KCNMB2: variants seen among roughly 807,000 people sequenced by gnomAD.
KCNMB2 encodes the protein potassium calcium-activated channel subfamily M regulatory beta subunit 2, also known as calcium-activated potassium channel subunit beta-2.
KCNMB2 carries 9 observed loss-of-function variants against 24.5 expected under a neutral mutation model. The ratio of observed to expected loss-of-function variants is 0.37; its 90% confidence interval spans 0.22 to 0.64. The LOEUF (loss-of-function observed/expected upper bound fraction) is 0.64. Ranked by LOEUF, KCNMB2 falls within the 30% of genes least tolerant of loss-of-function variation. The probability of loss-of-function intolerance (pLI) is 0.63; values close to 1 mark genes in which losing one functional copy is unlikely to be tolerated. For missense variants in KCNMB2, 226 were observed against 284.3 expected (o/e 0.79, Z 1.47); for synonymous variants, 109 against 104.4 (o/e 1.04, Z -0.27).
At chr3:178,691,859 A>G (rs1238168498) in intron 1 of KCNMB2, among the ~76,000 whole-genome samples, 1 of 151,516 alleles carries the variant, frequency 6.6e-6, no homozygotes, top group Non-Finnish European at 1.5e-5. Context: ...ACTAATTTAC[A>G]TTCCCACCAA....
intron 1 of KCNMB2, among the ~76,000 whole-genome samples, chr3:178,568,833 A>G (rs1170753484): frequency 1.1e-4 from 3 of 28,434 alleles, no homozygotes. Context: ...TAGATAGATG[A>G]TAGATAGATA....
chr3:178,586,201 G>C (rs1274619650), intron 1 of KCNMB2, among the ~76,000 whole-genome samples: 2 of 152,246 alleles, frequency 1.3e-5, no homozygotes, highest in South Asian at 2.1e-4. Context: ...GATTTGACTA[G>C]ATGAATTCTA....
chr3:178,721,403 T>C (rs1198355585), intron 1 of KCNMB2, among the ~76,000 whole-genome samples: 1 of 152,210 alleles, frequency 6.6e-6, no homozygotes, highest in Non-Finnish European at 1.5e-5. Context: ...GTTGTTTGTA[T>C]AGTTTGTTAC....
At chr3:178,770,188 A>G (rs1166784076) in intron 1 of KCNMB2, among the ~76,000 whole-genome samples, 1 of 152,206 alleles carries the variant, frequency 6.6e-6, no homozygotes, top group Admixed American at 6.5e-5. Context: ...CCCAAGTTAT[A>G]AGGCCTGGTC....
chr3:178,657,167 C>T (rs575060893), intron 1 of KCNMB2, among the ~76,000 whole-genome samples: 14 of 152,308 alleles, frequency 9.2e-5, no homozygotes, highest in Middle Eastern at 3.4e-3. Context: ...AATCTGACTC[C>T]AGAACCCATA....
At position 178,659,695 on chromosome 3, in the gene KCNMB2, G is replaced by A. The variant is rs369016596; in HGVS notation, c.-68+122984G>A. ...ATAATGCAAGCCACATGGGCTTCATGAGCAAGCTACTTAACATCTCTTAAA... is the reference window on the plus strand; with the variant it reads ...ATAATGCAAGCCACATGGGCTTCATAAGCAAGCTACTTAACATCTCTTAAA... On this transcript the variant is annotated intron_variant, in intron 1 of 4. Coordinates refer to ENST00000452583, the MANE Select transcript of KCNMB2 (RefSeq NM_181361.3). 2.6e-4 allele frequency among the ~76,000 whole-genome samples: 39 copies of A among 152,292 alleles called. 1 individual carries two copies. The South Asian group carries it at 7.9e-3, about 31-fold the overall frequency.
At chr3:178,604,903 A>G (rs1220490485) in intron 1 of KCNMB2, among the ~76,000 whole-genome samples, 2 of 152,232 alleles carry the variant, frequency 1.3e-5, no homozygotes, top group Non-Finnish European at 2.9e-5. Flanking sequence ...AAGAATTCTG[A>G]AAACATGACA....
chr3:178,676,733 G>A (rs1296378030), intron 1 of KCNMB2, among the ~76,000 whole-genome samples: 1 of 152,158 alleles, frequency 6.6e-6, no homozygotes, highest in African/African-American at 2.4e-5. Flanking sequence ...CGGACTTTAG[G>A]TAGCAGAGTC....
intron 1 of KCNMB2, among the ~76,000 whole-genome samples, chr3:178,730,467 T>C (rs1471282345): frequency 7.7e-6 from 1 of 129,130 alleles, no homozygotes; most frequent in Non-Finnish European, 1.6e-5. Flanking sequence ...GCTACTCCAA[T>C]AATTTCCTAA....
chr3:178,649,927 G>C (rs1322393387), intron 1 of KCNMB2, among the ~76,000 whole-genome samples: 1 of 152,044 alleles, frequency 6.6e-6, no homozygotes, highest in Non-Finnish European at 1.5e-5. Flanking sequence ...TATTTTAATT[G>C]TGATGTTAGG....
intron 1 of KCNMB2, among the ~76,000 whole-genome samples, chr3:178,654,694 T>C (rs188612299): frequency 1.4e-4 from 21 of 152,320 alleles, no homozygotes; most frequent in Middle Eastern, 3.4e-3. Flanking sequence ...GTTTTTGTTT[T>C]TTAAGTGTAG....
chr3:178,766,510 A>G (rs1712128033), intron 1 of KCNMB2, among the ~76,000 whole-genome samples: 1 of 152,128 alleles, frequency 6.6e-6, no homozygotes, highest in Admixed American at 6.5e-5. Flanking sequence ...TATTTTTCAT[A>G]CATGTGATTT....
Position 178,572,685 on chromosome 3 carries a change from A to G in KCNMB2, c.-68+35974A>G, listed in dbSNP as rs146708447. Among the ~76,000 whole-genome samples, 37 of 152,320 alleles carry G rather than the reference A, an allele frequency of 2.4e-4. No homozygotes were observed. The East Asian group carries it at 6.8e-3, about 28-fold the overall frequency. ...AGATAAAACAAAGGGAAATCCTAGC[A>G]TCTTTGAGGGAAATGTGGATTCCAT... On this transcript the variant is annotated intron_variant, in intron 1 of 4. Coordinates refer to ENST00000452583, the MANE Select transcript of KCNMB2 (RefSeq NM_181361.3).
chr3:178,694,503 CT>C (rs1352520156), intron 1 of KCNMB2, among the ~76,000 whole-genome samples: 1 of 152,142 alleles, frequency 6.6e-6, no homozygotes, highest in Non-Finnish European at 1.5e-5. Flanking sequence ...AGGCAAGTCC[CT>C]TCTGTATATG....
intron 1 of KCNMB2, among the ~76,000 whole-genome samples, chr3:178,716,235 T>G (rs1310044395): frequency 1.3e-5 from 2 of 152,324 alleles, no homozygotes; most frequent in African/African-American, 4.8e-5. Flanking sequence ...ATAATAACAT[T>G]GATAGTATCA....
chr3:178,753,974 A>G (rs917925545), intron 1 of KCNMB2, among the ~76,000 whole-genome samples: 2 of 151,254 alleles, frequency 1.3e-5, no homozygotes, highest in Non-Finnish European at 2.9e-5. Flanking sequence ...CATAACCACC[A>G]TTCTACTCTC....
intron 1 of KCNMB2, among the ~76,000 whole-genome samples, chr3:178,560,592 C>G (rs1352011040): frequency 6.6e-6 from 1 of 152,238 alleles, no homozygotes; most frequent in Non-Finnish European, 1.5e-5. Flanking sequence ...TCAATGAAAT[C>G]TATCCAAAGC....
At position 178,660,986 on chromosome 3, in the gene KCNMB2, T is replaced by TAC. The variant is rs1720505656; in HGVS notation, c.-68+124276_-68+124277insCA. 6.3e-5 allele frequency among the ~76,000 whole-genome samples: 5 copies of TAC among 78,812 alleles called. No individual in the cohort carries two copies. The South Asian group carries it at 1.8e-3, about 28-fold the overall frequency. The allele number at this position is 78,812 out of a possible 152,430, so 51.7% of individuals were successfully genotyped here. A position where few individuals can be genotyped will look rare whatever the true frequency, so the allele number is the denominator to read the frequency against. On this transcript the variant is annotated intron_variant, in intron 1 of 4. Coordinates refer to ENST00000452583, the MANE Select transcript of KCNMB2 (RefSeq NM_181361.3). ...AGTGTTTTTTATATATACACATACA[T>TAC]ATATATATATTATTATTATATTTTA...
At chr3:178,765,637 G>A (rs1428232311) in intron 1 of KCNMB2, among the ~76,000 whole-genome samples, 2 of 79,560 alleles carry the variant, frequency 2.5e-5, no homozygotes, top group Non-Finnish European at 4.7e-5. Flanking sequence ...GTGCACGCGC[G>A]TGTGCATGTG....
Sources: gnomAD v4.1 joint callset for allele counts (sites outside exome capture counted in the v4.1 genomes callset) on GRCh38, gnomAD v4.1.1 for gene constraint, MANE v1.5 for transcripts, NCBI Gene and HGNC (gene_info 2026-07-23, HGNC 2026-07-21) for gene names.